Variants in BICC1 observed in about 807,000 individuals in gnomAD.
The protein encoded by BICC1 is protein bicaudal C homolog 1.
Under a neutral mutation model 111.0 loss-of-function variants are expected in BICC1, and 43 were observed. The ratio of observed to expected loss-of-function variants is 0.39; its 90% CI spans 0.30 to 0.50. The LOEUF is 0.50. BICC1 is among the 20% of genes least tolerant of loss of function. The probability of loss-of-function intolerance (pLI) is 0.88; values close to 1 mark genes in which losing one functional copy is unlikely to be tolerated. For synonymous variants in BICC1, 467 were observed against 434.4 expected, an observed-to-expected ratio of 1.07 and a Z score of -0.93; for missense variants, 1,091 against 1,203.2, an observed-to-expected ratio of 0.91 and a Z score of 1.38.
At chr10:58,701,812 CTA>C (rs963629530) in intron 2 of BICC1, among the ~76,000 whole-genome samples, 5 of 151,910 alleles carry the variant, frequency 3.3e-5, no homozygotes, top group Non-Finnish European at 5.9e-5. Context: ...TGGTTTGTGT[CTA>C]TGTTAAAATT....
At chr10:58,677,918 C>G (rs1839394200) in intron 2 of BICC1, among the ~76,000 whole-genome samples, 1 of 152,124 alleles carries the variant, frequency 6.6e-6, no homozygotes, top group African/African-American at 2.4e-5. Context: ...ATTTTCAACC[C>G]AGAATTTCGT....
intron 3 of BICC1, among the ~76,000 whole-genome samples, chr10:58,730,835 G>T (rs1841267430): frequency 6.6e-6 from 1 of 152,100 alleles, no homozygotes; most frequent in South Asian, 2.1e-4. Context: ...CTAAGGCTGT[G>T]CGGGGTTGCA....
intron 2 of BICC1, among the ~76,000 whole-genome samples, chr10:58,656,106 G>A (rs577137212): frequency 0.011 from 1,617 of 152,212 alleles, 31 homozygotes; most frequent in African/African-American, 0.037. Context: ...TAGAAGAAAT[G>A]GATAAATTCC....
intron 2 of BICC1, chr10:58,650,099 C>T (rs1453212341): frequency 1.3e-5 from 2 of 152,138 alleles, no homozygotes; most frequent in South Asian, 2.1e-4. Context: ...CTTACATTAA[C>T]GATGCTAGTC....
intron 3 of BICC1, among the ~76,000 whole-genome samples, chr10:58,716,946 T>C (rs1267771578): frequency 6.7e-6 from 1 of 149,186 alleles, no homozygotes; most frequent in Non-Finnish European, 1.5e-5. Flanking sequence ...TGCTGTCATA[T>C]GCTGCTTTGA....
intron 2 of BICC1, among the ~76,000 whole-genome samples, chr10:58,663,144 G>A (rs953202351): frequency 7.0e-6 from 1 of 142,716 alleles, no homozygotes; most frequent in Non-Finnish European, 1.5e-5. Flanking sequence ...TCGGCTCACT[G>A]CAACCTTTGC....
intron 1 of BICC1, among the ~76,000 whole-genome samples, chr10:58,587,826 C>G (rs549973664): frequency 2.0e-5 from 3 of 152,230 alleles, no homozygotes; most frequent in Admixed American, 6.5e-5. Context: ...TTATGGGTTT[C>G]GAGTAACCTA....
chr10:58,747,983 A>G (rs1768448483), intron 3 of BICC1, among the ~76,000 whole-genome samples: 3 of 152,170 alleles, frequency 2.0e-5, no homozygotes, highest in South Asian at 4.1e-4. Flanking sequence ...TACAAAGCCT[A>G]AAATATTTAC....
At chr10:58,583,166 C>T (rs917410292) in intron 1 of BICC1, among the ~76,000 whole-genome samples, 1 of 152,142 alleles carries the variant, frequency 6.6e-6, no homozygotes, top group Non-Finnish European at 1.5e-5. Flanking sequence ...TTGTCTTCCT[C>T]GCTTTCTAGA....
At position 58,545,810 on chromosome 10, in the gene BICC1, A is replaced by C. The variant is rs866856197; in HGVS notation, c.190+32477A>C. ...TATGCCAGGGATGTCTGTGTTTACT[A>C]CCTCCAACCAATGCAAGAACATACC... On this transcript the variant is annotated intron_variant, in intron 1 of 20. Coordinates refer to ENST00000373886, the MANE Select transcript of BICC1 (RefSeq NM_001080512.3). Among the ~76,000 whole-genome samples the C allele has an allele frequency of 1.4e-3, 217 of 151,990 alleles. 1 individual carries two copies. The highest frequency in any genetic ancestry group is 4.8e-3 in the African/African-American group (200 of 41,434).
At chr10:58,652,779 CTTTT>C (rs904483428) in intron 2 of BICC1, among the ~76,000 whole-genome samples, 2 of 151,934 alleles carry the variant, frequency 1.3e-5, no homozygotes, top group African/African-American at 4.8e-5. Flanking sequence ...AATGTGGCTT[CTTTT>C]TACTTATTTT....
intron 1 of BICC1, among the ~76,000 whole-genome samples, chr10:58,524,304 A>G (rs1207207991): frequency 6.6e-6 from 1 of 152,168 alleles, no homozygotes; most frequent in African/African-American, 2.4e-5. Context: ...AAACTATACT[A>G]CAAGGCTACA....
intron 3 of BICC1, among the ~76,000 whole-genome samples, chr10:58,761,811 C>T (rs578057694): frequency 1.2e-4 from 19 of 152,276 alleles, no homozygotes; most frequent in African/African-American, 3.8e-4. Context: ...AAAGTGCCTA[C>T]GTCATCCTTT....
chr10:58,760,372 C>G (rs1490893120), intron 3 of BICC1, among the ~76,000 whole-genome samples: 1 of 152,146 alleles, frequency 6.6e-6, no homozygotes, highest in African/African-American at 2.4e-5. Flanking sequence ...TATATTACGC[C>G]TCTTCCACAG....
Position 58,774,410 on chromosome 10 carries a change from A to G in BICC1, c.308-10591A>G, listed in dbSNP as rs1842697175. On this transcript the variant is annotated intron_variant, in intron 3 of 20. Coordinates refer to ENST00000373886, the MANE Select transcript of BICC1 (RefSeq NM_001080512.3). The stretch of plus-strand genomic sequence containing the variant: ...GGGAAAACAGGAAGTTCTGACTTGA[A>G]TACATTTTTTAAAGTAAAGGATGTA... 2.0e-5 allele frequency among the ~76,000 whole-genome samples: 3 copies of G among 152,218 alleles called. No homozygotes were observed. In the South Asian group the frequency reaches 6.2e-4, roughly 32 times the overall value.
intron 1 of BICC1, among the ~76,000 whole-genome samples, chr10:58,537,497 AG>A (rs1185943684): frequency 6.6e-6 from 1 of 151,882 alleles, no homozygotes; most frequent in East Asian, 1.9e-4. Context: ...AAATAATAAA[AG>A]CCATCTATGA....
At chr10:58,760,251 A>G (rs1842273963) in intron 3 of BICC1, among the ~76,000 whole-genome samples, 1 of 152,108 alleles carries the variant, frequency 6.6e-6, no homozygotes. Flanking sequence ...ATTACTGTAA[A>G]TTACAATCAT....
intron 1 of BICC1, among the ~76,000 whole-genome samples, chr10:58,605,520 T>C (rs1384854005): frequency 2.6e-5 from 4 of 152,228 alleles, no homozygotes; most frequent in Non-Finnish European, 5.9e-5. Context: ...ATTTGTCCTT[T>C]GGTGTCTATG....
chr10:58,822,830 G>A (rs1844291257), intron 20 of BICC1, among the ~76,000 whole-genome samples: 1 of 152,062 alleles, frequency 6.6e-6, no homozygotes, highest in Non-Finnish European at 1.5e-5. Context: ...GTATAGCTGG[G>A]CAGTCTGAAC....
Sources: gnomAD v4.1 joint callset for allele counts (sites outside exome capture counted in the v4.1 genomes callset) on GRCh38, gnomAD v4.1.1 for gene constraint, MANE v1.5 for transcripts, NCBI Gene and HGNC (gene_info 2026-07-23, HGNC 2026-07-21) for gene names.